The following RAG1 variants were observed in gnomAD, a reference collection of about 807,000 sequenced individuals.
RAG1 encodes the protein V(D)J recombination-activating protein 1.
A neutral mutation model predicts 62.7 loss-of-function variants in RAG1; 35 were observed. The observed-to-expected ratio is 0.56, with a 90% CI of 0.43 to 0.74. The LOEUF (loss-of-function observed/expected upper bound fraction) is 0.74, where lower values mean the gene tolerates loss of function less well. Among genes scored for constraint, RAG1 ranks in the 30% least tolerant of loss-of-function variants. The pLI, the probability that RAG1 is intolerant of heterozygous loss-of-function variation, is 0.00. For missense variants in RAG1, 1,169 were observed against 1,278.6 expected, an observed-to-expected ratio of 0.91 and a Z score of 1.31; for synonymous variants, 461 against 470.3, an observed-to-expected ratio of 0.98 and a Z score of 0.26.
chr11:36,571,299 T>C (rs1178304662), intron 1 of RAG1, among the ~76,000 whole-genome samples: 1 of 152,174 alleles, frequency 6.6e-6, no homozygotes, highest in Non-Finnish European at 1.5e-5. Context: ...AGAGAGCAAG[T>C]GCTTTAAGTA....
At chr11:36,543,806 G>A (rs1850350574) in intron 3 of RAG1, among the ~76,000 whole-genome samples, 2 of 152,234 alleles carry the variant, frequency 1.3e-5, no homozygotes, top group Admixed American at 1.3e-4. Context: ...AGTGTCAACA[G>A]ACTAATTAGA....
intron 1 of RAG1, among the ~76,000 whole-genome samples, chr11:36,571,416 G>T (rs1409041984): frequency 6.6e-6 from 1 of 152,124 alleles, no homozygotes; most frequent in African/African-American, 2.4e-5. Flanking sequence ...CCACAGAAGA[G>T]AATTAGGAAG....
intron 1 of RAG1, among the ~76,000 whole-genome samples, chr11:36,571,143 G>A (rs1850734261): frequency 6.6e-6 from 1 of 152,200 alleles, no homozygotes; most frequent in African/African-American, 2.4e-5. Context: ...GGAGAAATGT[G>A]TAGGGAAGTG....
downstream of RAG1, among the ~76,000 whole-genome samples, chr11:36,537,726 T>A (rs1860353406): frequency 6.6e-6 from 1 of 152,220 alleles, no homozygotes; most frequent in African/African-American, 2.4e-5. Context: ...GTTTTAGCTC[T>A]GGAAAACTGA....
chr11:36,576,730 G>A lies in RAG1; in HGVS notation c.*294G>A. ...CAGAGATGAGCAAAGATCTGTGTGT[G>A]TTGGGGAGCTGTCATGTAAATCAAA... On this transcript the variant is annotated 3_prime_UTR_variant, in exon 2 of 2. Coordinates refer to ENST00000299440, the MANE Select transcript of RAG1 (RefSeq NM_000448.3). 2.5e-6 allele frequency: 1 copy of A among 405,506 alleles called. No homozygotes were observed. Among genetic ancestry groups the A allele is most frequent in the Non-Finnish European group, 4.7e-6 (1 of 212,356 alleles). 25.1% of individuals were successfully genotyped at this position (405,506 alleles called of 1,614,324 possible). A position where few individuals can be genotyped will look rare whatever the true frequency, so the allele number is the denominator to read the frequency against.
At chr11:36,539,357 T>C (rs1220336278), downstream of RAG1, among the ~76,000 whole-genome samples, 1 of 152,236 alleles carries the variant, frequency 6.6e-6, no homozygotes. Context: ...AAATAAATGC[T>C]TGTTTAAGCC....
At chr11:36,521,898 G>T (rs1317959596) in intron 2 of RAG1, among the ~76,000 whole-genome samples, 1 of 152,142 alleles carries the variant, frequency 6.6e-6, no homozygotes, top group Non-Finnish European at 1.5e-5. Context: ...CTGCCCTAGA[G>T]ATTTGTAGAA....
chr11:36,537,156 C>T (rs1000446357), downstream of RAG1, among the ~76,000 whole-genome samples: 2 of 152,036 alleles, frequency 1.3e-5, no homozygotes, highest in Non-Finnish European at 2.9e-5. Flanking sequence ...AATCTTTATA[C>T]CTGTTGAGCC....
intron 3 of RAG1, among the ~76,000 whole-genome samples, chr11:36,543,795 G>C (rs1301176497): frequency 6.6e-6 from 1 of 152,228 alleles, no homozygotes; most frequent in Non-Finnish European, 1.5e-5. Flanking sequence ...TCTGTGTAAT[G>C]AGTGTCAACA....
rs192836395 is a variant in RAG1, at chr11:36,514,346, G to T, written n.330+3308G>T. Among the ~76,000 whole-genome samples, 153 of 152,322 alleles carry T rather than the reference G, an allele frequency of 1.0e-3. 1 individual carries two copies. The highest frequency in any genetic ancestry group is 3.4e-3 in the Middle Eastern group (1 of 294). The stretch of plus-strand genomic sequence containing the variant: ...CAGCAATAGATAATTAATAGAATGT[G>T]TTAGGCACTGTTCTTAGCCCAGGAG... On this transcript the variant is annotated intron_variant and non_coding_transcript_variant, in intron 1 of 2. Transcript: ENST00000529126.
intron 3 of RAG1, among the ~76,000 whole-genome samples, chr11:36,559,650 CTGT>C (rs1260412006): frequency 6.6e-6 from 1 of 151,962 alleles, no homozygotes; most frequent in African/African-American, 2.4e-5. Flanking sequence ...TTGATCTAGT[CTGT>C]TGTTGAAGCT....
chr11:36,537,332 A>G (rs1001735615), downstream of RAG1, among the ~76,000 whole-genome samples: 6 of 152,206 alleles, frequency 3.9e-5, no homozygotes. Flanking sequence ...GTAAAAGAAC[A>G]TAAGAAAATT....
intron 2 of RAG1, among the ~76,000 whole-genome samples, chr11:36,520,478 A>G (rs575695166): frequency 6.6e-6 from 1 of 152,190 alleles, no homozygotes; most frequent in South Asian, 2.1e-4. Flanking sequence ...GGGTTTCCCC[A>G]TGTTGGCCAG....
At chr11:36,521,774 G>A (rs759054444) in intron 2 of RAG1, among the ~76,000 whole-genome samples, 1 of 152,172 alleles carries the variant, frequency 6.6e-6, no homozygotes, top group African/African-American at 2.4e-5. Flanking sequence ...ATAATGATAT[G>A]GATAATGTAA....
intron 2 of RAG1, among the ~76,000 whole-genome samples, chr11:36,523,800 T>A (rs548086447): frequency 6.6e-6 from 1 of 152,290 alleles, no homozygotes; most frequent in East Asian, 1.9e-4. Flanking sequence ...TTATAAGATA[T>A]AAGAAATTCC....
downstream of RAG1, among the ~76,000 whole-genome samples, chr11:36,536,817 G>A (rs895925420): frequency 1.3e-5 from 2 of 151,256 alleles, no homozygotes; most frequent in Non-Finnish European, 2.9e-5. Flanking sequence ...GGAGTGCAGT[G>A]GCACGATCTC....
At chr11:36,516,702 C>T in intron 1 of RAG1, among the ~76,000 whole-genome samples, 1 of 152,198 alleles carries the variant, frequency 6.6e-6, no homozygotes, top group Admixed American at 6.5e-5. Context: ...CTCTTTGTAC[C>T]TTCCCTTCTG....
rs1471335268 is a variant in RAG1 at position 36,579,384 on chromosome 11, G to C, written c.*2948G>C. ...TGTTAAAAGATTTTAAGTAAGAGTA[G>C]ATACATTGTACCCATTTTACATTTT... is the stretch of plus-strand genomic sequence containing the variant. On this transcript the variant is annotated 3_prime_UTR_variant, in exon 2 of 2. Transcript: ENST00000299440. 6.0e-6 allele frequency: 1 copy of C among 167,066 alleles called. No individual in the cohort carries two copies. The highest frequency in any genetic ancestry group is 1.9e-4 in the East Asian group (1 of 5,206). The allele number at this position is 167,066 out of a possible 1,614,324, so 10.3% of individuals were successfully genotyped here. A position where few individuals can be genotyped will look rare whatever the true frequency, so the allele number is the denominator to read the frequency against.
In RAG1 at chr11:36,573,950, A is replaced by AGGAT. The variant is rs1850791260; in HGVS notation, c.646_647insGGAT (p.Thr216ArgfsTer27). 1 of 1,614,026 alleles carries AGGAT rather than the reference A, an allele frequency of 6.2e-7. No homozygotes were observed. The highest frequency in any genetic ancestry group is 1.3e-5 in the African/African-American group (1 of 74,916). ...CACACCATCCTGTGACATCTGCAAC[A>AGGAT]CTGCCCGTCGGGGACTCAAGAGGAA... On this transcript the variant is annotated frameshift_variant, in exon 2 of 2. Coordinates refer to ENST00000299440, the MANE Select transcript of RAG1 (RefSeq NM_000448.3). LOFTEE classifies it high-confidence loss of function.
Sources: allele counts gnomAD v4.1 joint callset (sites outside exome capture counted in the v4.1 genomes callset), GRCh38; gene constraint gnomAD v4.1.1; transcripts MANE v1.5; gene names NCBI Gene and HGNC (gene_info 2026-07-23, HGNC 2026-07-21).